The following ANAPC5 variants were observed in gnomAD, a reference collection of about 807,000 sequenced individuals.
ANAPC5 encodes anaphase promoting complex subunit 5, also known as anaphase-promoting complex subunit 5.
Under a neutral mutation model 91.3 loss-of-function variants are expected in ANAPC5, and 60 were observed. The observed-to-expected ratio is 0.66, with a 90% CI of 0.53 to 0.81. The LOEUF is 0.81. ANAPC5 is among the 40% of genes least tolerant of loss of function. The probability of loss-of-function intolerance (pLI) is 0.00; values close to 1 mark genes in which losing one functional copy is unlikely to be tolerated. For synonymous variants in ANAPC5, 340 were observed against 364.1 expected (o/e 0.93, Z 0.75); for missense variants, 690 against 931.5 (o/e 0.74, Z 3.37).
chr12:121,313,191 T>C (rs945856341), intron 15 of ANAPC5, among the ~76,000 whole-genome samples: 4 of 151,874 alleles, frequency 2.6e-5, no homozygotes, highest in African/African-American at 9.7e-5. Context: ...CCAGGCGTGG[T>C]AGCATGCGCC....
In ANAPC5 at chr12:121,318,235, C is replaced by G. The variant is rs151167417; in HGVS notation, c.1893+42G>C. The stretch of plus-strand genomic sequence containing the variant: ...AAACGTAGTCACAGACTCACCAGCT[C>G]TTGAGCACAAATATGTGCTATAAAA... On this transcript the variant is annotated intron_variant, in intron 15 of 16. Transcript: ENST00000261819. 1.2e-5 allele frequency: 18 copies of G among 1,482,112 alleles called. No individual in the cohort carries two copies. The African/African-American group carries it at 2.1e-4, about 17-fold the overall frequency. The allele number at this position is 1,482,112 out of a possible 1,614,324, so 91.8% of individuals were successfully genotyped here.
chr12:121,312,398 T>C (rs1416690441), intron 15 of ANAPC5, among the ~76,000 whole-genome samples: 1 of 151,788 alleles, frequency 6.6e-6, no homozygotes, highest in East Asian at 1.9e-4. Flanking sequence ...ACCCCATCTC[T>C]ACTAAAAATA....
chr12:121,337,263 A>G, intron 6 of ANAPC5, 28 bp downstream of exon 6: 1 of 1,580,542 alleles, frequency 6.3e-7, no homozygotes, highest in Non-Finnish European at 8.7e-7. Context: ...CCTTTCCAAC[A>G]CAGCAACAAA....
chr12:121,331,806 G>A (rs1903052366), intron 7 of ANAPC5: 1 of 155,216 alleles, frequency 6.4e-6, no homozygotes, highest in South Asian at 2.0e-4. Context: ...ATGTGCATTT[G>A]TTACTTTTAT....
At chr12:121,324,817 G>A (rs1337935409) in intron 11 of ANAPC5, among the ~76,000 whole-genome samples, 1 of 152,154 alleles carries the variant, frequency 6.6e-6, no homozygotes, top group East Asian at 1.9e-4. Flanking sequence ...TGGAGTTCAA[G>A]GCTGCAGTGA....
intron 10 of ANAPC5, 54 bp downstream of exon 10, chr12:121,328,262 T>C: frequency 3.8e-6 from 6 of 1,560,314 alleles, no homozygotes; most frequent in South Asian, 1.1e-5. Context: ...ACCAGCTTGC[T>C]AGCTCCTGCT....
chr12:121,334,424 ATGCCTGT>A (rs1903151872), intron 7 of ANAPC5: 5 of 152,234 alleles, frequency 3.3e-5, no homozygotes, highest in Admixed American at 6.5e-5. Context: ...GTATAGAAGG[ATGCCTGT>A]AGCAAAGACC....
At position 121,328,298 on chromosome 12, in the gene ANAPC5, G is replaced by A. The variant is rs782126050; in HGVS notation, c.1304+18C>T. The stretch of plus-strand genomic sequence containing the variant: ...TCTCTCTAAAGAATTCACACCCCCA[G>A]GGCCTTGGGAGACCTACCTGCGGCC... On this transcript the variant is annotated intron_variant, in intron 10 of 16. Coordinates refer to ENST00000261819, the MANE Select transcript of ANAPC5 (RefSeq NM_016237.5). The A allele has an allele frequency of 6.2e-7, 1 of 1,612,428 alleles. No individual in the cohort carries two copies. Among genetic ancestry groups the A allele is most frequent in the Non-Finnish European group, 8.5e-7 (1 of 1,179,488 alleles).
At chr12:121,323,032 AAAAC>A (rs1244425264) in intron 11 of ANAPC5, among the ~76,000 whole-genome samples, 4 of 152,138 alleles carry the variant, frequency 2.6e-5, no homozygotes, top group African/African-American at 4.8e-5. Flanking sequence ...CTCAAAAACA[AAAAC>A]AAACAAACAA....
chr12:121,310,155 AC>A (rs1377018280), intron 15 of ANAPC5: 2 of 212,582 alleles, frequency 9.4e-6, no homozygotes, highest in Non-Finnish European at 1.8e-5. Flanking sequence ...GAGGGGTTGA[AC>A]TAGGTGGGAG....
intron 9 of ANAPC5, chr12:121,328,742 C>A (rs1902916432): frequency 7.7e-6 from 3 of 388,118 alleles, no homozygotes; most frequent in Non-Finnish European, 1.4e-5. Context: ...ATTAGATGGA[C>A]CTGGACTTAA....
At chr12:121,318,445 A>C in intron 14 of ANAPC5, 21 bp from the exon 15 acceptor site, 1 of 1,611,268 alleles carries the variant, frequency 6.2e-7, no homozygotes, top group Non-Finnish European at 8.5e-7. Context: ...AGAGGAAAAC[A>C]CAGGATGAGA....
In ANAPC5 at chr12:121,342,967, T is replaced by C. The variant is rs962645579; in HGVS notation, c.591-898A>G. Among the ~76,000 whole-genome samples, 1 of 152,238 alleles carries C rather than the reference T, an allele frequency of 6.6e-6. No individual in the cohort carries two copies. Among genetic ancestry groups the C allele is most frequent in the African/African-American group, 2.4e-5 (1 of 41,468 alleles). On this transcript the variant is annotated intron_variant, in intron 4 of 16. Coordinates refer to ENST00000261819, the MANE Select transcript of ANAPC5 (RefSeq NM_016237.5). The surrounding 1 kb of genome is among the most constrained non-coding windows in gnomAD (Gnocchi z 4.1). ...ATAAAAAGGTTCTCTAACAAAGTAATTTCTTTTAGACAAAGAATTATAATC... is the reference window on the plus strand; with the variant it reads ...ATAAAAAGGTTCTCTAACAAAGTAACTTCTTTTAGACAAAGAATTATAATC...
At chr12:121,327,320 T>C in intron 10 of ANAPC5, 89 bp from the exon 11 acceptor site, 1 of 1,514,602 alleles carries the variant, frequency 6.6e-7, no homozygotes, top group East Asian at 2.4e-5. Flanking sequence ...AGTGGAGGCG[T>C]AAAGTCATAC....
intron 16 of ANAPC5, 22 bp downstream of exon 16, chr12:121,309,679 C>T: frequency 6.2e-7 from 1 of 1,604,062 alleles, no homozygotes; most frequent in Non-Finnish European, 8.5e-7. Flanking sequence ...CATTGCCTAA[C>T]AGTCTTCGTA....
chr12:121,348,308 C>A lies in ANAPC5; in HGVS notation c.208-427G>T, dbSNP rs138276234. ...ATACTATTTTTCACAAACACAATCTCATTTGATCTTCTCCCAAACCTTGTA... is the reference window on the plus strand; with the variant it reads ...ATACTATTTTTCACAAACACAATCTAATTTGATCTTCTCCCAAACCTTGTA... On this transcript the variant is annotated intron_variant, in intron 1 of 16. Transcript: ENST00000261819. 2.3e-3 allele frequency among the ~76,000 whole-genome samples: 352 copies of A among 152,320 alleles called. 4 individuals are homozygous for A. In the East Asian group the frequency reaches 0.039, roughly 17 times the overall value.
At chr12:121,318,808 T>C (rs1047013385) in intron 13 of ANAPC5, among the ~76,000 whole-genome samples, 200 bp from the exon 14 acceptor site, 1 of 151,920 alleles carries the variant, frequency 6.6e-6, no homozygotes, top group Admixed American at 6.6e-5. Flanking sequence ...ATCACAAGGT[T>C]AGGAGCTCGA....
chr12:121,340,420 T>C (rs1355736871), intron 5 of ANAPC5, among the ~76,000 whole-genome samples: 4 of 152,052 alleles, frequency 2.6e-5, no homozygotes, highest in Non-Finnish European at 5.9e-5. Flanking sequence ...TGTAATATAC[T>C]GAGGTACAAG....
At position 121,342,760 on chromosome 12, in the gene ANAPC5, G is replaced by A. The variant is rs1010528483; in HGVS notation, c.591-691C>T. Among the ~76,000 whole-genome samples, 1 of 152,128 alleles carries A rather than the reference G, an allele frequency of 6.6e-6. No individual in the cohort carries two copies. The highest frequency in any genetic ancestry group is 1.5e-5 in the Non-Finnish European group (1 of 68,026). On this transcript the variant is annotated intron_variant, in intron 4 of 16. Transcript: ENST00000261819. This position sits in a 1 kb window ranked among gnomAD's most constrained non-coding sequence, Gnocchi z 4.1. ...TGTAGTCCCAGCTACTCAGGAGGCT[G>A]AGGCAGAAAAATTGTTTGATCCCGG... is the stretch of plus-strand genomic sequence containing the variant.
Sources: gnomAD v4.1 joint callset for allele counts (sites outside exome capture counted in the v4.1 genomes callset) on GRCh38, gnomAD v4.1.1 for gene constraint, Gnocchi (gnomAD v3.1) non-coding constraint, MANE v1.5 for transcripts, NCBI Gene and HGNC (gene_info 2026-07-23, HGNC 2026-07-21) for gene names.